The following APBA1 variants were observed in gnomAD, a reference collection of about 807,000 sequenced individuals.
APBA1 encodes amyloid-beta A4 precursor protein-binding family A member 1.
APBA1 carries 55 observed loss-of-function variants against 86.6 expected under a neutral mutation model. That is an observed-to-expected ratio of 0.64 (90% CI 0.51 to 0.80). APBA1 has a LOEUF of 0.80. Among genes scored for constraint, APBA1 ranks in the 30% least tolerant of loss-of-function variants. APBA1 has a pLI of 0.00. For missense variants in APBA1, 1,090 were observed against 1,183.0 expected, an observed-to-expected ratio of 0.92 and a Z score of 1.15; for synonymous variants, 511 against 493.9, an observed-to-expected ratio of 1.03 and a Z score of -0.46.
At chr9:69,493,428 A>C (rs1835744827) in intron 2 of APBA1, among the ~76,000 whole-genome samples, 1 of 152,070 alleles carries the variant, frequency 6.6e-6, no homozygotes, top group Non-Finnish European at 1.5e-5. Context: ...CATTTCAAAT[A>C]GTACTTTTTT....
Position 69,497,691 on chromosome 9 carries a change from C to T in APBA1, c.1200+18320G>A, listed in dbSNP as rs566185404. Among the ~76,000 whole-genome samples the T allele has an allele frequency of 1.3e-3, 192 of 152,264 alleles. 2 individuals carry two copies. The Middle Eastern group carries it at 0.02, about 16-fold the overall frequency. On this transcript the variant is annotated intron_variant, in intron 2 of 12. Transcript: ENST00000265381. ...GACCTGCTCTTTCTTCAGGACAACA[C>T]CTCCTCTTTTCCATTTCCACAGCCT...
chr9:69,476,211 G>C, intron 2 of APBA1, 68 bp from the exon 3 acceptor site: 3 of 1,168,018 alleles, frequency 2.6e-6, no homozygotes, highest in East Asian at 4.7e-5. Flanking sequence ...CTGGGGGAAA[G>C]GGGCCGGGAG....
At chr9:69,595,175 C>T (rs942984934) in intron 1 of APBA1, among the ~76,000 whole-genome samples, 3 of 152,070 alleles carry the variant, frequency 2.0e-5, no homozygotes, top group Non-Finnish European at 4.4e-5. Context: ...GAAAGCTGCC[C>T]GAGTGCCTGG....
intron 1 of APBA1, among the ~76,000 whole-genome samples, chr9:69,540,898 C>T (rs1271561553): frequency 6.6e-6 from 1 of 152,208 alleles, no homozygotes; most frequent in Non-Finnish European, 1.5e-5. Flanking sequence ...AGCCACCACG[C>T]TCAGCCTTTG....
At chr9:69,583,969 G>T (rs1450523457) in intron 1 of APBA1, among the ~76,000 whole-genome samples, 8 of 152,202 alleles carry the variant, frequency 5.3e-5, no homozygotes, top group Non-Finnish European at 8.8e-5. Flanking sequence ...AGCACATAGT[G>T]AGTGCAGAAT....
At chr9:69,633,671 T>C (rs1254373051) in intron 1 of APBA1, among the ~76,000 whole-genome samples, 1 of 152,198 alleles carries the variant, frequency 6.6e-6, no homozygotes, top group African/African-American at 2.4e-5. Context: ...CACTGAGATA[T>C]TTGCTACCAT....
intron 2 of APBA1, among the ~76,000 whole-genome samples, chr9:69,497,325 G>A (rs948955015): frequency 2.6e-5 from 4 of 151,992 alleles, no homozygotes; most frequent in African/African-American, 9.7e-5. Flanking sequence ...CTGTCTCAAG[G>A]CCTGCACTCT....
intron 3 of APBA1, chr9:69,474,198 G>T (rs1302698821): frequency 1.3e-5 from 2 of 152,154 alleles, no homozygotes; most frequent in East Asian, 3.9e-4. Context: ...TTGGACAACT[G>T]GAACAATGAC....
At position 69,476,045 on chromosome 9, in the gene APBA1, T is replaced by C; in HGVS notation, c.1296+3A>G. On this transcript the variant is annotated splice_donor_region_variant and intron_variant, in intron 3 of 12. Transcript: ENST00000265381. ...TGGCTTTGGTAACAAAACAGCACCC[T>C]ACCTCTTTATTAGTGGACGCTTCCA... 6.2e-7 allele frequency: 1 copy of C among 1,613,100 alleles called. No homozygotes were observed. Among genetic ancestry groups the C allele is most frequent in the East Asian group, 2.2e-5 (1 of 44,880 alleles).
At chr9:69,442,019 C>T (rs984762015) in intron 10 of APBA1, among the ~76,000 whole-genome samples, 3 of 152,200 alleles carry the variant, frequency 2.0e-5, no homozygotes, top group African/African-American at 7.2e-5. Context: ...CATCACAAGG[C>T]TACACTTGCC....
chr9:69,648,299 C>T (rs897969696), intron 1 of APBA1, among the ~76,000 whole-genome samples: 4 of 152,132 alleles, frequency 2.6e-5, no homozygotes, highest in African/African-American at 9.7e-5. Flanking sequence ...GGTTTAACTT[C>T]GCAATAAAGT....
At position 69,658,284 on chromosome 9, in the gene APBA1, C is replaced by CTTTCTTTTTCTTTCTTTCTTTCTT. The variant is rs370230255; in HGVS notation, c.-70+13868_-70+13869insAAGAAAGAAAGAAAGAAAAAGAAA. Among the ~76,000 whole-genome samples the CTTTCTTTTTCTTTCTTTCTTTCTT allele has an allele frequency of 8.7e-4, 66 of 75,552 alleles. 3 individuals carry two copies. The highest frequency in any genetic ancestry group is 2.2e-3 in the Admixed American group (16 of 7,310). 49.6% of individuals were successfully genotyped at this position (75,552 alleles called of 152,430 possible). A position where few individuals can be genotyped will look rare whatever the true frequency, so the allele number is the denominator to read the frequency against. On this transcript the variant is annotated intron_variant, in intron 1 of 12. Transcript: ENST00000265381. ...TCTTTCTTTCTTTCTTTCTTTCTTT[C>CTTTCTTTTTCTTTCTTTCTTTCTT]TCTCTCTCTTTCTCTCTCTCTCTTT...
chr9:69,536,506 T>C (rs941459735), intron 1 of APBA1, among the ~76,000 whole-genome samples: 13 of 151,804 alleles, frequency 8.6e-5, no homozygotes, highest in African/African-American at 3.1e-4. Context: ...TCTATAGCGG[T>C]AAAATATATA....
At chr9:69,510,274 A>G (rs1005044727) in intron 2 of APBA1, among the ~76,000 whole-genome samples, 5 of 152,016 alleles carry the variant, frequency 3.3e-5, no homozygotes, top group African/African-American at 1.2e-4. Context: ...TTATACACCA[A>G]TAACAGACAA....
chr9:69,609,554 T>C (rs565704548), intron 1 of APBA1, among the ~76,000 whole-genome samples: 3 of 152,334 alleles, frequency 2.0e-5, no homozygotes, highest in South Asian at 2.1e-4. Context: ...TGTATTCCCA[T>C]TGCAATGCCT....
intron 1 of APBA1, among the ~76,000 whole-genome samples, chr9:69,622,705 T>G (rs1205917004): frequency 6.6e-6 from 1 of 152,148 alleles, no homozygotes; most frequent in East Asian, 1.9e-4. Context: ...TCTATGTCAT[T>G]GCAGCCTCGG....
intron 2 of APBA1, among the ~76,000 whole-genome samples, chr9:69,508,787 A>AT (rs1387638617): frequency 5.4e-5 from 5 of 93,146 alleles, no homozygotes; most frequent in Non-Finnish European, 8.8e-5. Flanking sequence ...GCTCAACTAC[A>AT]TGGAAACTGA....
At position 69,642,998 on chromosome 9, in the gene APBA1, T is replaced by C. The variant is rs1362227869; in HGVS notation, c.-70+29155A>G. Among the ~76,000 whole-genome samples, 4 of 150,534 alleles carry C rather than the reference T, an allele frequency of 2.7e-5. No individual in the cohort carries two copies. The South Asian group carries it at 6.3e-4, about 24-fold the overall frequency. On this transcript the variant is annotated intron_variant, in intron 1 of 12. Transcript: ENST00000265381. ...ATCTCTATATATACATATATGTGTA[T>C]ACACACACACCCCCGCCACAAACAC...
intron 1 of APBA1, among the ~76,000 whole-genome samples, chr9:69,580,977 G>A (rs994184775): frequency 2.0e-5 from 3 of 152,120 alleles, no homozygotes; most frequent in African/African-American, 4.8e-5. Flanking sequence ...CCATGCCTCT[G>A]TGAGCCTCTG....
Sources: allele counts gnomAD v4.1 joint callset (sites outside exome capture counted in the v4.1 genomes callset), GRCh38; gene constraint gnomAD v4.1.1; transcripts MANE v1.5; gene names NCBI Gene and HGNC (gene_info 2026-07-23, HGNC 2026-07-21).